The following QTMAN variants were observed in gnomAD, a reference collection of about 807,000 sequenced individuals.
The protein encoded by QTMAN is tRNA-queuosine alpha-mannosyltransferase.
At chr2:144,298,727 G>A in the QTMAN span, among the ~76,000 whole-genome samples, 2 of 152,154 alleles carry the variant, frequency 1.3e-5, no homozygotes, top group South Asian at 4.1e-4. Flanking sequence ...GGAGAGGTCA[G>A]GCATATAAGA....
chr2:144,125,788 G>T, the QTMAN span, among the ~76,000 whole-genome samples: 1 of 152,008 alleles, frequency 6.6e-6, no homozygotes, highest in Non-Finnish European at 1.5e-5. Flanking sequence ...ATATGAAAAG[G>T]TATTTAAAGA....
At chr2:144,075,710 T>G in the QTMAN span, among the ~76,000 whole-genome samples, 1 of 152,182 alleles carries the variant, frequency 6.6e-6, no homozygotes, top group East Asian at 1.9e-4. Flanking sequence ...ACTGTTGATG[T>G]GTTTTATGTT....
At chr2:144,264,884 T>G in the QTMAN span, among the ~76,000 whole-genome samples, 2 of 152,214 alleles carry the variant, frequency 1.3e-5, no homozygotes, top group African/African-American at 4.8e-5. Flanking sequence ...TTCCCATGTA[T>G]CTTGCCAGGA....
chr2:144,205,337 G>A, the QTMAN span, among the ~76,000 whole-genome samples: 7 of 152,118 alleles, frequency 4.6e-5, no homozygotes, highest in Non-Finnish European at 7.4e-5. Flanking sequence ...GTAGGAAAGG[G>A]GAGTTGGCCT....
At chr2:144,140,806 G>A in the QTMAN span, among the ~76,000 whole-genome samples, 1 of 151,952 alleles carries the variant, frequency 6.6e-6, no homozygotes, top group South Asian at 2.1e-4. Flanking sequence ...CTACTTCTCT[G>A]GGCCTCTGTT....
At chr2:144,271,732 A>G in the QTMAN span, among the ~76,000 whole-genome samples, 1 of 152,052 alleles carries the variant, frequency 6.6e-6, no homozygotes, top group Non-Finnish European at 1.5e-5. Flanking sequence ...TTCTCCCTCA[A>G]TCTCTACCAG....
the QTMAN span, among the ~76,000 whole-genome samples, chr2:143,997,659 A>T: frequency 6.6e-6 from 1 of 152,102 alleles, no homozygotes; most frequent in Admixed American, 6.5e-5. Flanking sequence ...AGAATTTTCC[A>T]TAAAATAATG....
chr2:144,246,807 T>C, the QTMAN span, among the ~76,000 whole-genome samples: 3 of 152,016 alleles, frequency 2.0e-5, no homozygotes, highest in Non-Finnish European at 2.9e-5. Flanking sequence ...ATCTTTACAG[T>C]TTTTAAAATA....
At chr2:144,189,915 C>T in the QTMAN span, among the ~76,000 whole-genome samples, 1 of 152,218 alleles carries the variant, frequency 6.6e-6, no homozygotes, top group Non-Finnish European at 1.5e-5. Context: ...AGCCACCATG[C>T]CTGGCCACCT....
the QTMAN span, among the ~76,000 whole-genome samples, chr2:144,002,216 A>T: frequency 6.6e-6 from 1 of 151,964 alleles, no homozygotes; most frequent in African/African-American, 2.4e-5. Flanking sequence ...CCCTCGATAG[A>T]TATCTTTTAA....
chr2:143,999,433 A>G, the QTMAN span, among the ~76,000 whole-genome samples: 8 of 152,010 alleles, frequency 5.3e-5, no homozygotes, highest in Non-Finnish European at 1.0e-4. Flanking sequence ...TTAAAAAAAA[A>G]AGTAGAAAGG....
At chr2:144,101,423 C>T in the QTMAN span, among the ~76,000 whole-genome samples, 5 of 151,856 alleles carry the variant, frequency 3.3e-5, no homozygotes, top group Non-Finnish European at 7.4e-5. Flanking sequence ...CACTACTTTA[C>T]TGTGAAATGT....
the QTMAN span, among the ~76,000 whole-genome samples, chr2:144,110,686 C>CA: frequency 7.0e-6 from 1 of 142,250 alleles, no homozygotes; most frequent in Non-Finnish European, 1.5e-5. Flanking sequence ...TCGACCCCCC[C>CA]CCAAAAAAAA....
chr2:144,163,336 T>C, the QTMAN span, among the ~76,000 whole-genome samples: 43 of 152,128 alleles, frequency 2.8e-4, no homozygotes, highest in African/African-American at 1.0e-3. Flanking sequence ...ATAGTAAGCA[T>C]GCCTATTACC....
At chr2:144,043,637 A>T in the QTMAN span, among the ~76,000 whole-genome samples, 1 of 152,054 alleles carries the variant, frequency 6.6e-6, no homozygotes, top group Non-Finnish European at 1.5e-5. Context: ...CGTCGCAAAA[A>T]AAAAAAAAGC....
the QTMAN span, among the ~76,000 whole-genome samples, chr2:143,959,046 A>G: frequency 2.6e-5 from 4 of 151,932 alleles, no homozygotes; most frequent in Non-Finnish European, 5.9e-5. Context: ...TAGGGTTAAT[A>G]TCCCTTTACT....
At chr2:144,118,039 G>T in the QTMAN span, among the ~76,000 whole-genome samples, 1 of 151,960 alleles carries the variant, frequency 6.6e-6, no homozygotes, top group African/African-American at 2.4e-5. Flanking sequence ...GTAGAGAGGG[G>T]GTTTCAACGT....
At chr2:144,083,129 G>C in the QTMAN span, among the ~76,000 whole-genome samples, 1 of 152,190 alleles carries the variant, frequency 6.6e-6, no homozygotes, top group East Asian at 1.9e-4. Context: ...TAAATGACAA[G>C]AATGGCAAGA....
chr2:144,156,102 C>T, the QTMAN span, among the ~76,000 whole-genome samples: 1 of 152,006 alleles, frequency 6.6e-6, no homozygotes, highest in Admixed American at 6.6e-5. Flanking sequence ...GTTTGCTTCC[C>T]AGTTTGCTTT....
Sources: gnomAD v4.1 joint callset for allele counts (sites outside exome capture counted in the v4.1 genomes callset) on GRCh38, gnomAD v4.1.1 for gene constraint, MANE v1.5 for transcripts, NCBI Gene and HGNC (gene_info 2026-07-23, HGNC 2026-07-21) for gene names.